C1orf87: variants seen among roughly 807,000 people sequenced by gnomAD.
C1orf87 encodes the protein chromosome 1 open reading frame 87.
Under a neutral mutation model 60.5 loss-of-function variants are expected in C1orf87, and 58 were observed. The ratio of observed to expected loss-of-function variants is 0.96; its 90% CI spans 0.78 to 1.19. The LOEUF (loss-of-function observed/expected upper bound fraction) is 1.19, where lower values mean the gene tolerates loss of function less well. Among genes scored for constraint, C1orf87 ranks in the 50% most tolerant of loss-of-function variants. The probability of loss-of-function intolerance (pLI) is 0.00; values close to 1 mark genes in which losing one functional copy is unlikely to be tolerated. For missense variants in C1orf87, 673 were observed against 638.6 expected (o/e 1.05, Z -0.58); for synonymous variants, 236 against 227.4 (o/e 1.04, Z -0.34).
intron 3 of C1orf87, among the ~76,000 whole-genome samples, chr1:60,045,765 C>T (rs997805387): frequency 6.6e-6 from 1 of 152,178 alleles, no homozygotes; most frequent in Non-Finnish European, 1.5e-5. Context: ...GCCAGACCCA[C>T]TAAATAGAAA....
rs188622111 is a variant in C1orf87 at position 60,066,731 on chromosome 1, G to T, written c.107+5806C>A. 3.6e-3 allele frequency among the ~76,000 whole-genome samples: 554 copies of T among 151,930 alleles called. 4 individuals are homozygous for T. The highest frequency in any genetic ancestry group is 0.013 in the African/African-American group (526 of 41,404). ...TGGGATACATGTGCAGAATGTGCAG[G>T]TTTGTTATATAGGTATACACATGCC... On this transcript the variant is annotated intron_variant, in intron 2 of 11. Coordinates refer to ENST00000371201, the MANE Select transcript of C1orf87 (RefSeq NM_152377.3).
intron 8 of C1orf87, among the ~76,000 whole-genome samples, chr1:60,015,968 G>T (rs1574302181): frequency 6.6e-6 from 1 of 152,164 alleles, no homozygotes; most frequent in African/African-American, 2.4e-5. Flanking sequence ...CCAGGCTGGT[G>T]TTGAACTCCT....
intron 11 of C1orf87, among the ~76,000 whole-genome samples, 178 bp from the exon 12 acceptor site, chr1:59,991,011 C>T (rs1428648254): frequency 2.0e-5 from 3 of 152,154 alleles, no homozygotes; most frequent in Non-Finnish European, 4.4e-5. Context: ...GGGTATGCAT[C>T]ACAGATTTCA....
intron 2 of C1orf87, 123 bp from the exon 3 acceptor site, chr1:60,055,561 G>T (rs1645448715): frequency 1.3e-6 from 1 of 744,010 alleles, no homozygotes. Flanking sequence ...GTGGAATGTG[G>T]AAGCATAAAC....
At chr1:60,022,109 ATTT>A (rs60437294) in intron 8 of C1orf87, among the ~76,000 whole-genome samples, 10 of 138,168 alleles carry the variant, frequency 7.2e-5, no homozygotes, top group Admixed American at 7.2e-5. Flanking sequence ...GAGGACTTTG[ATTT>A]TTTTTTTTTT....
At chr1:60,010,289 G>C (rs763475242) in intron 9 of C1orf87, 103 bp downstream of exon 9, 66 of 1,028,490 alleles carry the variant, frequency 6.4e-5, no homozygotes, top group Admixed American at 1.7e-4. Context: ...TGAGAGAAAT[G>C]AGATGAAACC....
chr1:60,009,409 A>C (rs1259698491), intron 9 of C1orf87, among the ~76,000 whole-genome samples: 3 of 152,072 alleles, frequency 2.0e-5, no homozygotes, highest in African/African-American at 7.2e-5. Flanking sequence ...AGCCTCCAGA[A>C]CTGAGAGAAT....
intron 3 of C1orf87, among the ~76,000 whole-genome samples, chr1:60,054,200 G>A (rs995137976): frequency 2.0e-5 from 3 of 152,180 alleles, no homozygotes; most frequent in East Asian, 1.9e-4. Context: ...TAAGAGGCTT[G>A]AGTGACAGCT....
chr1:60,022,573 T>C (rs1645171213), intron 8 of C1orf87, among the ~76,000 whole-genome samples: 1 of 152,142 alleles, frequency 6.6e-6, no homozygotes, highest in African/African-American at 2.4e-5. Flanking sequence ...ATATATCCTA[T>C]GCACAAATTT....
At chr1:60,070,979 A>G (rs1345463599) in intron 2 of C1orf87, among the ~76,000 whole-genome samples, 1 of 152,196 alleles carries the variant, frequency 6.6e-6, no homozygotes, top group Non-Finnish European at 1.5e-5. Context: ...GTAATAATAT[A>G]GTTTTCCAGG....
At chr1:60,026,330 C>G (rs1414993372) in intron 7 of C1orf87, among the ~76,000 whole-genome samples, 1 of 152,134 alleles carries the variant, frequency 6.6e-6, no homozygotes, top group Non-Finnish European at 1.5e-5. Context: ...ATTTACTAAA[C>G]AAGACTAGTA....
intron 11 of C1orf87, among the ~76,000 whole-genome samples, chr1:59,993,133 A>G (rs1379950668): frequency 6.6e-6 from 1 of 152,128 alleles, no homozygotes; most frequent in Non-Finnish European, 1.5e-5. Flanking sequence ...AGGTGGGAGG[A>G]TCATTTGAGC....
At chr1:60,027,736 G>A (rs545320160) in intron 7 of C1orf87, among the ~76,000 whole-genome samples, 3 of 152,174 alleles carry the variant, frequency 2.0e-5, no homozygotes, top group African/African-American at 4.8e-5. Flanking sequence ...AAAAAAGATT[G>A]ATTTGAAACA....
At chr1:60,041,323 G>A (rs924709566) in intron 3 of C1orf87, among the ~76,000 whole-genome samples, 192 bp from the exon 4 acceptor site, 1 of 152,172 alleles carries the variant, frequency 6.6e-6, no homozygotes, top group African/African-American at 2.4e-5. Flanking sequence ...ACCAATTTCA[G>A]CATTATACGC....
intron 3 of C1orf87, among the ~76,000 whole-genome samples, chr1:60,046,914 A>C (rs1240054181): frequency 1.3e-5 from 2 of 152,238 alleles, no homozygotes; most frequent in Non-Finnish European, 2.9e-5. Flanking sequence ...AATAGTAGTT[A>C]AATCTAAAGT....
chr1:60,003,395 G>C (rs923398381), intron 9 of C1orf87, among the ~76,000 whole-genome samples: 1 of 151,160 alleles, frequency 6.6e-6, no homozygotes, highest in South Asian at 2.1e-4. Context: ...TGGGTGCAGC[G>C]CACCAGCATG....
intron 8 of C1orf87, among the ~76,000 whole-genome samples, chr1:60,016,196 G>T (rs181552803): frequency 3.0e-4 from 46 of 152,324 alleles, no homozygotes; most frequent in Admixed American, 1.1e-3. Context: ...ACTTTTGAGA[G>T]TAATTTATGT....
At chr1:60,036,686 G>A (rs1475880247) in intron 6 of C1orf87, among the ~76,000 whole-genome samples, 1 of 152,128 alleles carries the variant, frequency 6.6e-6, no homozygotes, top group African/African-American at 2.4e-5. Flanking sequence ...TTGAGGCCAG[G>A]CTTTTGCAAT....
At chr1:60,001,396 C>T (rs1212412795) in intron 9 of C1orf87, among the ~76,000 whole-genome samples, 2 of 151,876 alleles carry the variant, frequency 1.3e-5, no homozygotes, top group Non-Finnish European at 2.9e-5. Context: ...TATTTAGTTA[C>T]AACTTACTAT....
Sources: allele counts gnomAD v4.1 joint callset (sites outside exome capture counted in the v4.1 genomes callset), GRCh38; gene constraint gnomAD v4.1.1; transcripts MANE v1.5; gene names NCBI Gene and HGNC (gene_info 2026-07-23, HGNC 2026-07-21).